The following DACH1 variants were observed in gnomAD, a reference collection of about 807,000 sequenced individuals.
DACH1 encodes dachshund homolog 1.
DACH1 carries 12 observed loss-of-function variants against 54.2 expected under a neutral mutation model. The ratio of observed to expected loss-of-function variants is 0.22; its 90% CI spans 0.14 to 0.36. The LOEUF is 0.36. Ranked by LOEUF, DACH1 falls within the 10% of genes least tolerant of loss-of-function variation. The probability of loss-of-function intolerance (pLI) is 1.00; values close to 1 mark genes in which losing one functional copy is unlikely to be tolerated. For missense variants in DACH1, 805 were observed against 929.8 expected, an observed-to-expected ratio of 0.87 and a Z score of 1.75; for synonymous variants, 386 against 366.2, an observed-to-expected ratio of 1.05 and a Z score of -0.62.
At chr13:71,736,026 T>C (rs1175300591) in intron 1 of DACH1, among the ~76,000 whole-genome samples, 2 of 152,138 alleles carry the variant, frequency 1.3e-5, no homozygotes, top group African/African-American at 4.8e-5. Flanking sequence ...ATCTCCATGA[T>C]ACTAGCTACC....
chr13:71,440,542 C>A lies in DACH1; in HGVS notation c.*113G>T. The A allele has an allele frequency of 1.3e-6, 1 of 780,370 alleles. No individual in the cohort carries two copies. The highest frequency in any genetic ancestry group is 1.7e-5 in the South Asian group (1 of 58,534). The allele number at this position is 780,370 out of a possible 1,614,324, so 48.3% of individuals were successfully genotyped here. ...TAAACTTTTAAAGAACATTAATACA[C>A]AAAATTCAGGAAGTTCCCTTAAAAG... On this transcript the variant is annotated 3_prime_UTR_variant, in exon 11 of 11. Coordinates refer to ENST00000613252, the MANE Select transcript of DACH1 (RefSeq NM_080759.6).
chr13:71,462,462 T>C (rs1050353265), intron 10 of DACH1, among the ~76,000 whole-genome samples: 2 of 151,834 alleles, frequency 1.3e-5, no homozygotes, highest in African/African-American at 4.8e-5. Context: ...CTGGTGAATA[T>C]TTATTTCATT....
chr13:71,713,089 CT>C (rs111368443), intron 1 of DACH1, among the ~76,000 whole-genome samples: 12,308 of 143,404 alleles, frequency 0.086, 1,558 homozygotes, highest in African/African-American at 0.28. Flanking sequence ...TTTTCTTCTT[CT>C]TTTTTTTTTT....
At chr13:71,578,318 C>G (rs1461935587) in intron 3 of DACH1, among the ~76,000 whole-genome samples, 1 of 152,012 alleles carries the variant, frequency 6.6e-6, no homozygotes, top group African/African-American at 2.4e-5. Context: ...CCATTGGAGA[C>G]CACTTAGAAA....
At chr13:71,530,007 G>T (rs1882304992) in intron 6 of DACH1, among the ~76,000 whole-genome samples, 1 of 152,034 alleles carries the variant, frequency 6.6e-6, no homozygotes, top group African/African-American at 2.4e-5. Context: ...CATTATGTTG[G>T]CTTTTTCTCT....
rs56948038 is a variant in DACH1, at chr13:71,672,706, G to A, written c.964+9089C>T. ...TTCTCGCATTTCTTGGTTAGGAAGG[G>A]ACGTAAGATACCAGCTGCACCTCCT... On this transcript the variant is annotated intron_variant, in intron 2 of 10. Coordinates refer to ENST00000613252, the MANE Select transcript of DACH1 (RefSeq NM_080759.6). 5.1e-4 allele frequency among the ~76,000 whole-genome samples: 77 copies of A among 152,208 alleles called. No individual in the cohort carries two copies. In the East Asian group the frequency reaches 0.014, roughly 27 times the overall value.
At chr13:71,496,889 T>A (rs1879487843) in intron 6 of DACH1, among the ~76,000 whole-genome samples, 1 of 152,210 alleles carries the variant, frequency 6.6e-6, no homozygotes, top group South Asian at 2.1e-4. Flanking sequence ...TTCCTATATT[T>A]TACTTAATGC....
intron 3 of DACH1, among the ~76,000 whole-genome samples, chr13:71,593,831 A>G (rs1437474930): frequency 6.6e-6 from 1 of 151,934 alleles, no homozygotes; most frequent in East Asian, 1.9e-4. Flanking sequence ...AAGAAGAATG[A>G]AGAAGTGAAG....
intron 1 of DACH1, among the ~76,000 whole-genome samples, chr13:71,713,822 TA>T (rs1043039226): frequency 4.6e-5 from 7 of 152,178 alleles, no homozygotes; most frequent in African/African-American, 1.7e-4. Flanking sequence ...AGCAAAATTT[TA>T]AAAGAGAATG....
intron 1 of DACH1, among the ~76,000 whole-genome samples, chr13:71,747,536 G>A (rs760077999): frequency 6.6e-6 from 1 of 152,058 alleles, no homozygotes; most frequent in Non-Finnish European, 1.5e-5. Context: ...AGCAGAGATC[G>A]CACCATTGCA....
intron 1 of DACH1, among the ~76,000 whole-genome samples, chr13:71,830,137 T>TA (rs1222422276): frequency 1.3e-5 from 2 of 151,900 alleles, no homozygotes; most frequent in African/African-American, 4.8e-5. Context: ...ACATAAGTAG[T>TA]AAAAAAGTTA....
intron 1 of DACH1, among the ~76,000 whole-genome samples, chr13:71,770,244 T>C (rs1885798670): frequency 1.3e-5 from 2 of 151,690 alleles, no homozygotes; most frequent in Admixed American, 1.3e-4. Flanking sequence ...GTCTTACTTC[T>C]TATCTTGTTT....
chr13:71,455,207 C>T (rs1875444224), intron 10 of DACH1, among the ~76,000 whole-genome samples: 1 of 152,048 alleles, frequency 6.6e-6, no homozygotes, highest in African/African-American at 2.4e-5. Context: ...TATTCTAAAT[C>T]ACAAACTATT....
intron 1 of DACH1, among the ~76,000 whole-genome samples, chr13:71,815,946 G>A (rs1265025131): frequency 6.6e-6 from 1 of 151,844 alleles, no homozygotes; most frequent in Non-Finnish European, 1.5e-5. Flanking sequence ...TTAGCCGGGC[G>A]TGGTAGCGGG....
chr13:71,656,554 C>T (rs931178352), intron 2 of DACH1, among the ~76,000 whole-genome samples: 2 of 151,978 alleles, frequency 1.3e-5, no homozygotes, highest in African/African-American at 4.8e-5. Context: ...GTTGATCCTT[C>T]TCTAACCATG....
At chr13:71,503,273 G>C (rs1880064016) in intron 6 of DACH1, among the ~76,000 whole-genome samples, 1 of 152,152 alleles carries the variant, frequency 6.6e-6, no homozygotes, top group South Asian at 2.1e-4. Flanking sequence ...TGTGAGGGAA[G>C]GAACTCAGTC....
At chr13:71,663,882 G>A (rs1879666121) in intron 2 of DACH1, among the ~76,000 whole-genome samples, 1 of 151,578 alleles carries the variant, frequency 6.6e-6, no homozygotes, top group Admixed American at 6.6e-5. Flanking sequence ...AATATGTAAA[G>A]TTCATTAATA....
intron 6 of DACH1, among the ~76,000 whole-genome samples, chr13:71,525,090 C>T (rs1480225131): frequency 6.6e-6 from 1 of 152,046 alleles, no homozygotes; most frequent in Non-Finnish European, 1.5e-5. Flanking sequence ...CACTTTGGCT[C>T]TCCTTTGAAA....
At chr13:71,481,799 G>A (rs143271320) in intron 7 of DACH1, among the ~76,000 whole-genome samples, 1 of 152,262 alleles carries the variant, frequency 6.6e-6, no homozygotes, top group East Asian at 1.9e-4. Flanking sequence ...AGGATGTAGT[G>A]TTCAGAACAT....
Sources: allele counts gnomAD v4.1 joint callset (sites outside exome capture counted in the v4.1 genomes callset), GRCh38; gene constraint gnomAD v4.1.1; transcripts MANE v1.5; gene names NCBI Gene and HGNC (gene_info 2026-07-23, HGNC 2026-07-21).